Variants in PHF24 observed in about 807,000 individuals in gnomAD.
PHF24 encodes the protein PHD finger protein 24.
In PHF24, 25 loss-of-function variants were observed where a neutral mutation model predicts 42.6. The observed-to-expected ratio is 0.59, with a 90% confidence interval of 0.43 to 0.82. PHF24 has a LOEUF of 0.82. Ranked by LOEUF, PHF24 falls within the 40% of genes least tolerant of loss-of-function variation. PHF24 has a pLI of 0.00. For synonymous variants in PHF24, 185 were observed against 204.8 expected, an observed-to-expected ratio of 0.90 and a Z score of 0.83; for missense variants, 470 against 538.1, an observed-to-expected ratio of 0.87 and a Z score of 1.25.
At chr9:34,946,104 G>A in the PHF24 span, among the ~76,000 whole-genome samples, 2 of 152,176 alleles carry the variant, frequency 1.3e-5, no homozygotes, top group Admixed American at 1.3e-4. Context: ...GATAGGAAAG[G>A]CATATTCTTT....
rs558178423 is a variant in PHF24 at position 34,969,620 on chromosome 9, G to A, written c.-4-1675G>A. Among the ~76,000 whole-genome samples the A allele has an allele frequency of 6.2e-5, 9 of 145,610 alleles. No homozygotes were observed. In the East Asian group the frequency reaches 1.0e-3, roughly 17 times the overall value. On this transcript the variant is annotated intron_variant, in intron 1 of 7. Transcript: ENST00000242315. ...CGTGCCACTGCACTCCAGCCTGGGC[G>A]ACAGAGCGAGACTCTGTCTCAAAAA...
the PHF24 span, chr9:34,922,586 G>A: frequency 8.4e-6 from 8 of 956,548 alleles, no homozygotes; most frequent in East Asian, 2.4e-5. Context: ...ATTTGCTCTC[G>A]CTTGTGAAGC....
the PHF24 span, among the ~76,000 whole-genome samples, chr9:34,862,269 C>T: frequency 6.6e-6 from 1 of 152,178 alleles, no homozygotes; most frequent in African/African-American, 2.4e-5. Context: ...CTGAACTAGG[C>T]TCAGAGCCAG....
At chr9:34,772,363 C>T in the PHF24 span, among the ~76,000 whole-genome samples, 1 of 152,004 alleles carries the variant, frequency 6.6e-6, no homozygotes, top group Admixed American at 6.6e-5. Context: ...AAATTGATTA[C>T]CTAGTATGTT....
the PHF24 span, among the ~76,000 whole-genome samples, chr9:34,683,762 A>G: frequency 6.6e-6 from 1 of 152,242 alleles, no homozygotes; most frequent in Non-Finnish European, 1.5e-5. Context: ...GGTCTAGAAG[A>G]AAAGAATGAG....
the PHF24 span, among the ~76,000 whole-genome samples, chr9:34,797,076 T>G: frequency 6.6e-6 from 1 of 152,100 alleles, no homozygotes; most frequent in Non-Finnish European, 1.5e-5. Context: ...CCTCAAAAGG[T>G]GTTGCAACAG....
the PHF24 span, among the ~76,000 whole-genome samples, chr9:34,779,917 G>A: frequency 9.7e-4 from 148 of 152,210 alleles, 3 homozygotes; most frequent in East Asian, 0.024. Flanking sequence ...GTAGAGATGG[G>A]GTTTCACCAT....
the PHF24 span, among the ~76,000 whole-genome samples, chr9:34,746,987 T>C: frequency 6.6e-6 from 1 of 152,162 alleles, no homozygotes; most frequent in Non-Finnish European, 1.5e-5. Context: ...GATTGACACA[T>C]TGGACTACAT....
chr9:34,861,324 G>A, the PHF24 span, among the ~76,000 whole-genome samples: 2 of 152,306 alleles, frequency 1.3e-5, no homozygotes, highest in East Asian at 3.9e-4. Context: ...CTGTAGGGTA[G>A]AACTACTTTA....
rs771816039 is a variant in PHF24 at position 34,977,146 on chromosome 9, C to T, written c.913C>T (p.Arg305Trp). 9.3e-6 allele frequency: 15 copies of T among 1,613,504 alleles called. No homozygotes were observed. Among genetic ancestry groups the T allele is most frequent in the African/African-American group, 6.7e-5 (5 of 74,914 alleles). The change falls in exon 6 of 8, where the codon CGG becomes TGG. Residue 305 changes from arginine (R) to tryptophan (W), a missense_variant. Transcript: ENST00000242315. Reference sequence around the variant, plus strand: ...GCGAGCCCGAGCCGCCTTCCTGGCTCGGGGCAGTGGGAGCACCGTCAGTGA... The same window carrying T: ...GCGAGCCCGAGCCGCCTTCCTGGCTTGGGGCAGTGGGAGCACCGTCAGTGA...
At chr9:34,971,522 G>A in exon 2 of PHF24, 1 of 1,614,196 alleles carries the variant, frequency 6.2e-7, no homozygotes, top group Non-Finnish European at 8.5e-7. Flanking sequence ...AGTAGTGCCG[G>A]CCGCGCAGCC....
chr9:34,900,300 C>T, the PHF24 span, among the ~76,000 whole-genome samples: 1 of 152,080 alleles, frequency 6.6e-6, no homozygotes, highest in Non-Finnish European at 1.5e-5. Context: ...ATTTAAAGGA[C>T]AATCAATTAA....
the PHF24 span, among the ~76,000 whole-genome samples, chr9:34,820,527 G>T: frequency 6.6e-6 from 1 of 152,114 alleles, no homozygotes; most frequent in Non-Finnish European, 1.5e-5. Flanking sequence ...GAGAATAACG[G>T]CTTCCAGCTC....
chr9:34,814,384 CA>C, the PHF24 span, among the ~76,000 whole-genome samples: 1 of 152,184 alleles, frequency 6.6e-6, no homozygotes, highest in South Asian at 2.1e-4. Flanking sequence ...GTCCATTTCT[CA>C]GCGTTATATT....
chr9:34,964,458 C>CT (rs1826699713), intron 1 of PHF24, among the ~76,000 whole-genome samples: 1 of 152,318 alleles, frequency 6.6e-6, no homozygotes, highest in East Asian at 1.9e-4. Flanking sequence ...CATGAGGAAA[C>CT]TCCTGCCTAT....
chr9:34,680,551 A>G, the PHF24 span, among the ~76,000 whole-genome samples: 9 of 137,982 alleles, frequency 6.5e-5, no homozygotes, highest in East Asian at 4.5e-4. Context: ...AGCCGGGCGT[A>G]GTGGCGGGCG....
the PHF24 span, chr9:34,729,538 C>T: frequency 8.1e-5 from 95 of 1,169,396 alleles, no homozygotes; most frequent in South Asian, 4.8e-4. Context: ...TCACAGAGGA[C>T]GGAACTAGGC....
chr9:34,668,930 A>G, the PHF24 span, among the ~76,000 whole-genome samples: 2 of 152,174 alleles, frequency 1.3e-5, no homozygotes, highest in Non-Finnish European at 2.9e-5. Flanking sequence ...GAGCCAGACT[A>G]AGGCATCAGT....
At chr9:34,809,928 G>A in the PHF24 span, among the ~76,000 whole-genome samples, 3 of 151,294 alleles carry the variant, frequency 2.0e-5, no homozygotes, top group African/African-American at 7.3e-5. This position sits in a 1 kb window ranked among gnomAD's most constrained non-coding sequence, Gnocchi z 4.1. Context: ...AGTACCTCGG[G>A]GCGCGGGGGC....
Sources: allele counts gnomAD v4.1 joint callset (sites outside exome capture counted in the v4.1 genomes callset), GRCh38; gene constraint gnomAD v4.1.1; non-coding constraint Gnocchi (gnomAD v3.1); transcripts MANE v1.5; gene names NCBI Gene and HGNC (gene_info 2026-07-23, HGNC 2026-07-21).